The following SNX18 variants were observed in gnomAD, a reference collection of about 807,000 sequenced individuals.
SNX18 encodes sorting nexin 18.
SNX18 carries 35 observed loss-of-function variants against 48.7 expected under a neutral mutation model. The ratio of observed to expected loss-of-function variants is 0.72; its 90% confidence interval spans 0.55 to 0.95. The LOEUF (loss-of-function observed/expected upper bound fraction) is 0.95. SNX18 is among the 40% of genes least tolerant of loss of function. SNX18 has a pLI of 0.00. For missense variants in SNX18, 824 were observed against 871.0 expected (o/e 0.95, Z 0.68); for synonymous variants, 492 against 384.7 (o/e 1.28, Z -3.26).
At chr5:54,541,283 T>G (rs1762465458) in intron 1 of SNX18, among the ~76,000 whole-genome samples, 1 of 152,098 alleles carries the variant, frequency 6.6e-6, no homozygotes, top group East Asian at 1.9e-4. Context: ...CCACCTCAGC[T>G]TCCCAAAGTC....
At chr5:54,577,817 G>T in the SNX18 span, among the ~76,000 whole-genome samples, 3 of 152,180 alleles carry the variant, frequency 2.0e-5, no homozygotes, top group Non-Finnish European at 4.4e-5. Flanking sequence ...CCCAGTTCTG[G>T]GTTGTGTGTG....
chr5:54,519,708 T>A, intron 1 of SNX18, 135 bp downstream of exon 1: 2 of 1,614,208 alleles, frequency 1.2e-6, no homozygotes, highest in Non-Finnish European at 8.5e-7. Context: ...CGTGGACGCC[T>A]GGGTCTTTTC....
chr5:54,638,153 T>C, the SNX18 span, among the ~76,000 whole-genome samples: 461 of 152,342 alleles, frequency 3.0e-3, 3 homozygotes, highest in African/African-American at 0.011. Flanking sequence ...TCTTTAACAA[T>C]GGCTGCTGCA....
At chr5:54,600,556 T>G in the SNX18 span, among the ~76,000 whole-genome samples, 1 of 152,148 alleles carries the variant, frequency 6.6e-6, no homozygotes, top group Non-Finnish European at 1.5e-5. Flanking sequence ...CTATTCAGAA[T>G]AGCAAGGACA....
the SNX18 span, among the ~76,000 whole-genome samples, chr5:54,564,026 A>C: frequency 6.6e-6 from 1 of 152,136 alleles, no homozygotes; most frequent in Non-Finnish European, 1.5e-5. Flanking sequence ...CATGCCTGTA[A>C]TCCCAGCACT....
chr5:54,518,457 G>A lies in SNX18; in HGVS notation c.505G>A (p.Gly169Ser), dbSNP rs1356286974. 1.9e-6 allele frequency: 3 copies of A among 1,571,218 alleles called. No individual in the cohort carries two copies. The highest frequency in any genetic ancestry group is 2.6e-6 in the Non-Finnish European group (3 of 1,159,108). The change falls in exon 1 of 2, where the codon GGC (glycine) becomes AGC (serine). Residue 169 changes from glycine to serine, a missense_variant. Physicochemically the swap from Gly to Ser is moderately conservative, Grantham distance 56. Transcript: ENST00000381410. ...CAGCTCCACGGTGGCGGACGAGCCG[G>A]GCGCTCTGGGCAGCGGAGCATACCC... is the stretch of plus-strand genomic sequence containing the variant. ...DDSSTVADEP[G>S]ALGSGAYPDL...
the SNX18 span, among the ~76,000 whole-genome samples, chr5:54,575,368 C>CA: frequency 8.9e-6 from 1 of 111,742 alleles, no homozygotes. Flanking sequence ...CTCCCCACTG[C>CA]TTTTTTTTTT....
the SNX18 span, among the ~76,000 whole-genome samples, chr5:54,638,374 C>T: frequency 5.3e-5 from 8 of 152,160 alleles, no homozygotes; most frequent in Non-Finnish European, 1.2e-4. Context: ...TCTGACACCT[C>T]TGAGTTTTAT....
At chr5:54,576,402 G>A in the SNX18 span, among the ~76,000 whole-genome samples, 1 of 152,340 alleles carries the variant, frequency 6.6e-6, no homozygotes, top group South Asian at 2.1e-4. Context: ...GGATGCAGTG[G>A]TTTGGATCCT....
At chr5:54,580,103 AAG>A in the SNX18 span, among the ~76,000 whole-genome samples, 3 of 151,034 alleles carry the variant, frequency 2.0e-5, no homozygotes, top group Admixed American at 6.6e-5. Flanking sequence ...GTGTGTCAGA[AAG>A]AGAGAGAGAG....
chr5:54,531,040 A>T (rs1037362683), intron 1 of SNX18, among the ~76,000 whole-genome samples: 4 of 151,900 alleles, frequency 2.6e-5, no homozygotes, highest in African/African-American at 9.7e-5. Flanking sequence ...GGTGTGAGTC[A>T]CCCTGCCCAT....
the SNX18 span, among the ~76,000 whole-genome samples, chr5:54,559,539 C>T: frequency 7.2e-5 from 11 of 152,184 alleles, no homozygotes; most frequent in East Asian, 1.9e-4. Flanking sequence ...TGAAACTGGA[C>T]GCCTTCCTTA....
In SNX18 at chr5:54,519,080, G is replaced by A; in HGVS notation, c.1128G>A (p.Gln376=). ...TGCTGGCGCAGTGCGACGTCTTCCA[G>A]CACTTCCTGACGTGCCCCAGCAGCA... is the stretch of plus-strand genomic sequence containing the variant. ...HPVLAQCDVF[Q]HFLTCPSSTD... is the part of the protein sequence containing the mutation. The change falls in exon 1 of 2, where the codon CAG becomes CAA. Residue 376 remains glutamine, a synonymous_variant. Coordinates refer to ENST00000381410, the MANE Select transcript of SNX18 (RefSeq NM_001102575.2). 6.2e-7 allele frequency: 1 copy of A among 1,613,980 alleles called. No individual in the cohort carries two copies. Among genetic ancestry groups the A allele is most frequent in the Non-Finnish European group, 8.5e-7 (1 of 1,179,998 alleles).
the SNX18 span, among the ~76,000 whole-genome samples, chr5:54,578,479 C>A: frequency 6.6e-6 from 1 of 152,210 alleles, no homozygotes; most frequent in Non-Finnish European, 1.5e-5. Flanking sequence ...AGCCTGGGGT[C>A]AGCCCATGAC....
chr5:54,593,984 G>A, the SNX18 span, among the ~76,000 whole-genome samples: 2 of 152,062 alleles, frequency 1.3e-5, no homozygotes, highest in Non-Finnish European at 2.9e-5. Flanking sequence ...TCCTAGAGAG[G>A]CAACAGAGGC....
chr5:54,634,287 T>C, the SNX18 span, among the ~76,000 whole-genome samples: 1 of 152,040 alleles, frequency 6.6e-6, no homozygotes, highest in Admixed American at 6.5e-5. Flanking sequence ...AATTCCAAGG[T>C]GTGGCTTTGT....
Position 54,518,011 on chromosome 5 carries a change from C to A in SNX18, c.59C>A (p.Ser20Ter). The A allele has an allele frequency of 6.5e-7, 1 of 1,546,824 alleles. No homozygotes were observed. The part of the protein sequence containing the change: ...DFRSENPGEI[S>*]LREHEVLSLC... ...AGGTCGGAGAACCCAGGAGAGATCT[C>A]GCTGCGAGAGCACGAGGTGCTGAGC... Residue 20 changes from serine (S) to a stop codon, truncating the protein, a stop_gained, in exon 1 of 2, where the codon TCG (serine) becomes TAG (stop). Coordinates refer to ENST00000381410, the MANE Select transcript of SNX18 (RefSeq NM_001102575.2). LOFTEE classifies it high-confidence loss of function.
chr5:54,617,815 G>A, the SNX18 span, among the ~76,000 whole-genome samples: 7 of 151,770 alleles, frequency 4.6e-5, no homozygotes, highest in African/African-American at 7.3e-5. Flanking sequence ...CTCCTGCCTC[G>A]GCCTCTCCAA....
chr5:54,590,138 A>G, the SNX18 span, among the ~76,000 whole-genome samples: 1 of 152,222 alleles, frequency 6.6e-6, no homozygotes. Flanking sequence ...CTTGAGGTAA[A>G]GTAGACATGG....
Sources: allele counts gnomAD v4.1 joint callset (sites outside exome capture counted in the v4.1 genomes callset), GRCh38; gene constraint gnomAD v4.1.1; transcripts MANE v1.5; gene names NCBI Gene and HGNC (gene_info 2026-07-23, HGNC 2026-07-21).